Variants in PACC1 observed in about 807,000 individuals in gnomAD.
PACC1 encodes proton activated chloride channel 1.
PACC1 carries 34 observed loss-of-function variants against 39.7 expected under a neutral mutation model. The observed-to-expected ratio is 0.86, with a 90% CI of 0.65 to 1.14. PACC1 has a LOEUF of 1.14. Ranked by LOEUF, PACC1 falls within the 50% of genes most tolerant of loss-of-function variation. The pLI, the probability that PACC1 is intolerant of heterozygous loss-of-function variation, is 0.00. For missense variants in PACC1, 379 were observed against 436.4 expected (o/e 0.87, Z 1.17); for synonymous variants, 127 against 160.6 (o/e 0.79, Z 1.58).
At chr1:212,382,189 C>T (rs1169971970) in intron 4 of PACC1, among the ~76,000 whole-genome samples, 4 of 152,090 alleles carry the variant, frequency 2.6e-5, no homozygotes, top group Non-Finnish European at 5.9e-5. Flanking sequence ...CAGGCACGTG[C>T]CACTACACAC....
chr1:212,372,255 A>C (rs1272125017), intron 7 of PACC1, among the ~76,000 whole-genome samples: 1 of 150,626 alleles, frequency 6.6e-6, no homozygotes, highest in Non-Finnish European at 1.5e-5. Flanking sequence ...ACTGCACTCC[A>C]GGCTGGGAGA....
rs547919835 is a variant in PACC1, at chr1:212,407,890, C to T, written c.133+2535G>A. On this transcript the variant is annotated intron_variant, in intron 2 of 7. Coordinates refer to ENST00000261455, the MANE Select transcript of PACC1 (RefSeq NM_018252.3). ...ATGGGTTTGAGACCAGCCTGGCCAA[C>T]ATGGTGAAACCCCATCTCTACTAAA... Among the ~76,000 whole-genome samples, 5 of 152,264 alleles carry T rather than the reference C, an allele frequency of 3.3e-5. No homozygotes were observed. In the East Asian group the frequency reaches 9.7e-4, roughly 29 times the overall value.
intron 4 of PACC1, among the ~76,000 whole-genome samples, chr1:212,384,991 CT>C (rs200644059): frequency 0.03 from 4,566 of 152,356 alleles, 104 homozygotes; most frequent in Non-Finnish European, 0.043. Flanking sequence ...CAGCCCCACC[CT>C]TTAGCCCTGC....
intron 7 of PACC1, among the ~76,000 whole-genome samples, chr1:212,368,807 C>T (rs189662564): frequency 4.5e-4 from 68 of 152,064 alleles, no homozygotes; most frequent in Non-Finnish European, 6.3e-4. Context: ...CCGAGGCGGG[C>T]GGATCACAAG....
At position 212,381,694 on chromosome 1, in the gene PACC1, T is replaced by TACACACACACACACAC. The variant is rs747376806; in HGVS notation, c.496-1658_496-1657insGTGTGTGTGTGTGTGT. 6.1e-4 allele frequency among the ~76,000 whole-genome samples: 48 copies of TACACACACACACACAC among 78,652 alleles called. 2 individuals are homozygous for TACACACACACACACAC. Among genetic ancestry groups the TACACACACACACACAC allele is most frequent in the Admixed American group, 3.3e-3 (26 of 7,834 alleles). 51.6% of individuals were successfully genotyped at this position (78,652 alleles called of 152,430 possible). A position where few individuals can be genotyped will look rare whatever the true frequency, so the allele number is the denominator to read the frequency against. ...TGTGCACAGACACACACACACACAC[T>TACACACACACACACAC]GCACACACACACACACACACACACA... On this transcript the variant is annotated intron_variant, in intron 4 of 7. Transcript: ENST00000261455.
chr1:212,380,992 G>T (rs775611764), intron 4 of PACC1, among the ~76,000 whole-genome samples: 1 of 152,188 alleles, frequency 6.6e-6, no homozygotes, highest in African/African-American at 2.4e-5. Flanking sequence ...GCTCTACAGA[G>T]ATTTGAAAAA....
intron 1 of PACC1, among the ~76,000 whole-genome samples, chr1:212,411,921 G>A (rs1392836615): frequency 3.9e-5 from 6 of 151,970 alleles, no homozygotes; most frequent in Non-Finnish European, 5.9e-5. Flanking sequence ...TGGGCGGATC[G>A]CCTGAGGTCA....
chr1:212,382,553 G>C (rs748738146), intron 4 of PACC1, among the ~76,000 whole-genome samples: 1 of 152,114 alleles, frequency 6.6e-6, no homozygotes, highest in Non-Finnish European at 1.5e-5. Context: ...GCAAAATTCC[G>C]AAGATTTTAC....
At chr1:212,409,181 C>T (rs753222466) in intron 2 of PACC1, among the ~76,000 whole-genome samples, 2 of 152,156 alleles carry the variant, frequency 1.3e-5, no homozygotes. Flanking sequence ...CAAACCGGTC[C>T]CTGGTGCCAA....
At chr1:212,379,832 C>A in intron 5 of PACC1, 63 bp downstream of exon 5, 1 of 1,598,794 alleles carries the variant, frequency 6.3e-7, no homozygotes, top group South Asian at 1.1e-5. Context: ...AGCCTTGGGA[C>A]ATACACAGCT....
Position 212,382,837 on chromosome 1 carries a change from A to C in PACC1, c.495+2437T>G, listed in dbSNP as rs532069788. Among the ~76,000 whole-genome samples, 72 of 152,356 alleles carry C rather than the reference A, an allele frequency of 4.7e-4. 1 individual carries two copies. Among genetic ancestry groups the C allele is most frequent in the Middle Eastern group, 6.8e-3 (2 of 294 alleles). On this transcript the variant is annotated intron_variant, in intron 4 of 7. Coordinates refer to ENST00000261455, the MANE Select transcript of PACC1 (RefSeq NM_018252.3). ...GGCCACAGAGCATTACCACCAAGGC[A>C]GAAGCTCCCAGGGGACGAGGCCAGA... is the stretch of plus-strand genomic sequence containing the variant.
At chr1:212,414,348 G>T (rs1421667382) in intron 1 of PACC1, among the ~76,000 whole-genome samples, 1 of 152,210 alleles carries the variant, frequency 6.6e-6, no homozygotes, top group Admixed American at 6.5e-5. Context: ...CGCTCCACTT[G>T]TTGCAAAGAA....
chr1:212,411,132 T>C (rs1180594073), intron 1 of PACC1, among the ~76,000 whole-genome samples: 2 of 152,186 alleles, frequency 1.3e-5, no homozygotes, highest in African/African-American at 4.8e-5. Context: ...GACTTCAACA[T>C]ATCTTTTTTA....
chr1:212,390,024 T>G (rs569103418), intron 2 of PACC1, among the ~76,000 whole-genome samples: 1 of 151,832 alleles, frequency 6.6e-6, no homozygotes, highest in South Asian at 2.1e-4. Context: ...ACTATCCAAT[T>G]TGAAGAAAAT....
At chr1:212,384,133 G>A (rs1661008852) in intron 4 of PACC1, among the ~76,000 whole-genome samples, 1 of 152,174 alleles carries the variant, frequency 6.6e-6, no homozygotes, top group African/African-American at 2.4e-5. Flanking sequence ...TCTGGCCCAA[G>A]CTGTTTTTTA....
At chr1:212,395,033 T>G (rs935585567) in intron 2 of PACC1, among the ~76,000 whole-genome samples, 3 of 152,174 alleles carry the variant, frequency 2.0e-5, no homozygotes, top group Admixed American at 6.5e-5. Context: ...ATAGATTCAA[T>G]GCCATCCCCA....
chr1:212,371,929 T>C (rs1157587017), intron 7 of PACC1, among the ~76,000 whole-genome samples: 1 of 152,146 alleles, frequency 6.6e-6, no homozygotes, highest in Non-Finnish European at 1.5e-5. Context: ...ACAAAAATCA[T>C]GTAATCATTT....
Position 212,386,788 on chromosome 1 carries a change from GC to G in PACC1, c.343+102del, listed in dbSNP as rs1661114677. 3 of 1,166,882 alleles carry G rather than the reference GC, an allele frequency of 2.6e-6. No homozygotes were observed. Among genetic ancestry groups the G allele is most frequent in the Non-Finnish European group, 3.8e-6 (3 of 791,386 alleles). The allele number at this position is 1,166,882 out of a possible 1,614,324, so 72.3% of individuals were successfully genotyped here. On this transcript the variant is annotated intron_variant, in intron 3 of 7. Coordinates refer to ENST00000261455, the MANE Select transcript of PACC1 (RefSeq NM_018252.3). This position sits in a 1 kb window ranked among gnomAD's most constrained non-coding sequence, Gnocchi z 5.0. ...AGACTATGCTTGGTTGGACTCCTCT[GC>G]CCTGCCCGTAGTACCACAAATACAA... is the stretch of plus-strand genomic sequence containing the variant.
At chr1:212,403,137 T>C (rs1442688764) in intron 2 of PACC1, among the ~76,000 whole-genome samples, 1 of 152,230 alleles carries the variant, frequency 6.6e-6, no homozygotes, top group Non-Finnish European at 1.5e-5. Context: ...ATTTCTCCCT[T>C]TGAACAGAAT....
Sources: allele counts gnomAD v4.1 joint callset (sites outside exome capture counted in the v4.1 genomes callset), GRCh38; gene constraint gnomAD v4.1.1; non-coding constraint Gnocchi (gnomAD v3.1); transcripts MANE v1.5; gene names NCBI Gene and HGNC (gene_info 2026-07-23, HGNC 2026-07-21).